ERG: variants seen among roughly 807,000 people sequenced by gnomAD.
ERG encodes the protein transcriptional regulator ERG.
In ERG, 9 loss-of-function variants were observed where a neutral mutation model predicts 55.3. That is an observed-to-expected ratio of 0.16 (90% CI 0.10 to 0.28). The LOEUF is 0.28. Among genes scored for constraint, ERG ranks in the 10% least tolerant of loss-of-function variants. ERG has a pLI of 1.00. For synonymous variants in ERG, 223 were observed against 237.3 expected (o/e 0.94, Z 0.55); for missense variants, 434 against 631.6 (o/e 0.69, Z 3.35).
chr21:38,535,298 T>C (rs1403553010), intron 2 of ERG, among the ~76,000 whole-genome samples: 1 of 152,152 alleles, frequency 6.6e-6, no homozygotes, highest in East Asian at 1.9e-4. Context: ...GGAGTGTTGA[T>C]TGACATCAAG....
intron 2 of ERG, among the ~76,000 whole-genome samples, chr21:38,552,993 T>G (rs1371267837): frequency 6.6e-6 from 1 of 152,092 alleles, no homozygotes; most frequent in Non-Finnish European, 1.5e-5. Context: ...TTCACAACGT[T>G]TTAGGATACA....
intron 1 of ERG, among the ~76,000 whole-genome samples, chr21:38,608,381 C>T (rs1317861947): frequency 1.3e-5 from 2 of 152,070 alleles, no homozygotes; most frequent in African/African-American, 4.8e-5. Flanking sequence ...ATGAGCAAAG[C>T]TTGGTAATAA....
chr21:38,616,643 A>C (rs1416949890), intron 1 of ERG, among the ~76,000 whole-genome samples: 1 of 151,922 alleles, frequency 6.6e-6, no homozygotes, highest in Non-Finnish European at 1.5e-5. Context: ...ACTGGATTGG[A>C]TTGGATTGGA....
chr21:38,620,942 G>A (rs1173542006), intron 1 of ERG, among the ~76,000 whole-genome samples: 1 of 152,228 alleles, frequency 6.6e-6, no homozygotes, highest in Non-Finnish European at 1.5e-5. Flanking sequence ...CTTTACTCAT[G>A]GCTTCCCAGA....
At chr21:38,413,673 A>C (rs906285957) in intron 3 of ERG, among the ~76,000 whole-genome samples, 5 of 152,096 alleles carry the variant, frequency 3.3e-5, no homozygotes, top group Admixed American at 2.0e-4. Flanking sequence ...AACCATTCTC[A>C]AGTAATCATC....
chr21:38,450,746 G>C, intron 1 of ERG: 1 of 359,802 alleles, frequency 2.8e-6, no homozygotes, highest in Non-Finnish European at 5.4e-6. Context: ...TATCAGCTCT[G>C]AAATATGAAA....
chr21:38,518,374 G>C (rs943930401), intron 2 of ERG, among the ~76,000 whole-genome samples: 24 of 151,760 alleles, frequency 1.6e-4, no homozygotes, highest in African/African-American at 5.3e-4. Flanking sequence ...TTTTATAAAG[G>C]CACAGCAATT....
chr21:38,413,595 A>C (rs891970650), intron 3 of ERG, among the ~76,000 whole-genome samples: 1 of 152,154 alleles, frequency 6.6e-6, no homozygotes, highest in Non-Finnish European at 1.5e-5. Context: ...ATACATGACT[A>C]AATTATTTTT....
Position 38,391,046 on chromosome 21 carries a change from C to T in ERG, c.872-4G>A, listed in dbSNP as rs558714967. Reference sequence around the variant, plus strand: ...GGTCCAAGAATCTGATAAGGATCTACAGCAAAAAGAAACAAAGTCAAATCC... The same window carrying T: ...GGTCCAAGAATCTGATAAGGATCTATAGCAAAAAGAAACAAAGTCAAATCC... On this transcript the variant is annotated splice_region_variant and splice_polypyrimidine_tract_variant and intron_variant, in intron 8 of 9. Coordinates refer to ENST00000288319, the MANE Select transcript of ERG (RefSeq NM_182918.4). 2 of 1,612,438 alleles carry T rather than the reference C, an allele frequency of 1.2e-6. No homozygotes were observed. The highest frequency in any genetic ancestry group is 1.7e-5 in the Admixed American group (1 of 59,832).
intron 1 of ERG, among the ~76,000 whole-genome samples, chr21:38,656,066 G>C (rs2060517080): frequency 6.6e-6 from 1 of 152,148 alleles, no homozygotes; most frequent in South Asian, 2.1e-4. Flanking sequence ...TGCCCCTGCA[G>C]AGGCCCCAGC....
intron 2 of ERG, among the ~76,000 whole-genome samples, chr21:38,444,787 G>C (rs1341790050): frequency 6.6e-6 from 1 of 151,918 alleles, no homozygotes; most frequent in Non-Finnish European, 1.5e-5. Flanking sequence ...TCAGAGGGTG[G>C]GGTGAGGGTG....
chr21:38,420,685 C>T (rs1327308476), intron 3 of ERG, among the ~76,000 whole-genome samples: 2 of 152,102 alleles, frequency 1.3e-5, no homozygotes, highest in African/African-American at 4.8e-5. Context: ...AAATACTTTC[C>T]TTAGTGTAGA....
chr21:38,459,662 T>C (rs901276135), intron 1 of ERG, among the ~76,000 whole-genome samples: 3 of 152,160 alleles, frequency 2.0e-5, no homozygotes, highest in African/African-American at 7.2e-5. Flanking sequence ...ATTTAGAAGT[T>C]TGCCTCAGAG....
At chr21:38,565,365 T>A (rs76916482) in intron 2 of ERG, among the ~76,000 whole-genome samples, 1,889 of 152,302 alleles carry the variant, frequency 0.012, 47 homozygotes, top group African/African-American at 0.043. Context: ...AAAAATTCAA[T>A]CAGATCACAT....
At chr21:38,550,058 G>A (rs957112478) in intron 2 of ERG, among the ~76,000 whole-genome samples, 4 of 152,212 alleles carry the variant, frequency 2.6e-5, no homozygotes, top group African/African-American at 9.6e-5. Flanking sequence ...TGTCTGGGTT[G>A]TCACCTGCTC....
intron 2 of ERG, among the ~76,000 whole-genome samples, chr21:38,514,140 A>T (rs529014915): frequency 6.6e-6 from 1 of 151,824 alleles, no homozygotes; most frequent in South Asian, 2.1e-4. Context: ...AGACCTCTTA[A>T]AGGACAACTC....
intron 2 of ERG, among the ~76,000 whole-genome samples, chr21:38,508,936 G>A (rs987657816): frequency 6.6e-6 from 1 of 152,132 alleles, no homozygotes; most frequent in Non-Finnish European, 1.5e-5. Flanking sequence ...GCCACCATAC[G>A]GGGAGAAAGC....
chr21:38,486,470 G>T (rs2059286803), intron 1 of ERG, among the ~76,000 whole-genome samples: 1 of 152,146 alleles, frequency 6.6e-6, no homozygotes, highest in Non-Finnish European at 1.5e-5. Flanking sequence ...TCATTTCTCA[G>T]AACTGACCGG....
At chr21:38,456,708 G>A (rs993936390) in intron 1 of ERG, among the ~76,000 whole-genome samples, 1 of 152,198 alleles carries the variant, frequency 6.6e-6, no homozygotes, top group Non-Finnish European at 1.5e-5. Flanking sequence ...CCCACTGTGA[G>A]GGTCCAATCC....
Sources: gnomAD v4.1 joint callset for allele counts (sites outside exome capture counted in the v4.1 genomes callset) on GRCh38, gnomAD v4.1.1 for gene constraint, MANE v1.5 for transcripts, NCBI Gene and HGNC (gene_info 2026-07-23, HGNC 2026-07-21) for gene names.